Variants in MLLT6 observed in about 807,000 individuals in gnomAD.
MLLT6 encodes the protein MLLT6, PHD finger containing, also known as protein AF-17.
A neutral mutation model predicts 103.0 loss-of-function variants in MLLT6; 22 were observed. The observed-to-expected ratio is 0.21, with a 90% confidence interval of 0.15 to 0.31. The LOEUF (loss-of-function observed/expected upper bound fraction) is 0.31, where lower values mean the gene tolerates loss of function less well. Among genes scored for constraint, MLLT6 ranks in the 10% least tolerant of loss-of-function variants. The probability of loss-of-function intolerance (pLI) is 1.00; values close to 1 mark genes in which losing one functional copy is unlikely to be tolerated. For missense variants in MLLT6, 1,199 were observed against 1,441.7 expected (o/e 0.83, Z 2.73); for synonymous variants, 606 against 623.5 (o/e 0.97, Z 0.42).
intron 7 of MLLT6, among the ~76,000 whole-genome samples, chr17:38,712,458 G>A (rs1026454865): frequency 7.9e-5 from 12 of 152,214 alleles, no homozygotes; most frequent in African/African-American, 2.7e-4. Flanking sequence ...GCACTGGCGT[G>A]ATAATGGGAC....
chr17:38,720,005 G>T (rs894729805), intron 14 of MLLT6, 110 bp downstream of exon 14: 267 of 1,406,860 alleles, frequency 1.9e-4, no homozygotes, highest in Middle Eastern at 2.6e-4. Context: ...CCCCGCCCCA[G>T]CCTTGACTCT....
At chr17:38,705,774 C>G (rs758183156) in intron 1 of MLLT6, 33 bp downstream of exon 1, 6 of 1,172,258 alleles carry the variant, frequency 5.1e-6, no homozygotes, top group Non-Finnish European at 5.5e-6. Flanking sequence ...GCGGCGGGAC[C>G]CCGGGGGCGG....
intron 8 of MLLT6, 147 bp from the exon 9 acceptor site, chr17:38,715,465 C>A: frequency 7.3e-7 from 1 of 1,367,496 alleles, no homozygotes; most frequent in Non-Finnish European, 9.6e-7. Flanking sequence ...GAGCTCCTGG[C>A]CACTCCCTGC....
chr17:38,706,142 G>T (rs893178834), intron 1 of MLLT6: 2 of 152,524 alleles, frequency 1.3e-5, no homozygotes, highest in African/African-American at 4.8e-5. Flanking sequence ...CCTCGCTTCC[G>T]GATAATGGGA....
In MLLT6 at chr17:38,717,004, G is replaced by A. The variant is rs117039420; in HGVS notation, c.1651+23G>A. On this transcript the variant is annotated intron_variant, in intron 10 of 19. Coordinates refer to ENST00000621332, the MANE Select transcript of MLLT6 (RefSeq NM_005937.4). ...CAGGTTAGTGACCCCTGGGGACAGAGGGCATTTCAGGGCCCAGCCAGTCTA... is the reference window on the plus strand; with the variant it reads ...CAGGTTAGTGACCCCTGGGGACAGAAGGCATTTCAGGGCCCAGCCAGTCTA... 2,086 of 1,610,484 alleles carry A rather than the reference G, an allele frequency of 1.3e-3. 8 individuals are homozygous for A. In the Middle Eastern group the frequency reaches 0.014, roughly 10 times the overall value.
intron 6 of MLLT6, among the ~76,000 whole-genome samples, chr17:38,710,259 C>T (rs1239196961): frequency 6.6e-6 from 1 of 152,130 alleles, no homozygotes; most frequent in Non-Finnish European, 1.5e-5. Flanking sequence ...CTGGGCTTGC[C>T]TCTGCCCCAG....
rs950861234 is a variant in MLLT6 at position 38,705,480 on chromosome 17, G to A, written c.-153G>A. On this transcript the variant is annotated 5_prime_UTR_variant, in exon 1 of 20. Coordinates refer to ENST00000621332, the MANE Select transcript of MLLT6 (RefSeq NM_005937.4). Reference sequence around the variant, plus strand: ...AGGAGGAGGAGGACGCGGAGGAGGAGGAAGGAGGAGGCAAAGAAAAGAAGC... The same window carrying A: ...AGGAGGAGGAGGACGCGGAGGAGGAAGAAGGAGGAGGCAAAGAAAAGAAGC... 2.3e-5 allele frequency: 11 copies of A among 470,120 alleles called. No individual in the cohort carries two copies. Among genetic ancestry groups the A allele is most frequent in the African/African-American group, 2.1e-4 (10 of 47,788 alleles). The allele number at this position is 470,120 out of a possible 1,614,324, so 29.1% of individuals were successfully genotyped here.
intron 14 of MLLT6, 77 bp downstream of exon 14, chr17:38,719,972 T>C (rs1031623795): frequency 1.4e-6 from 2 of 1,472,520 alleles, no homozygotes; most frequent in Non-Finnish European, 1.8e-6. Context: ...GTCCCCAAGC[T>C]TCTTTAAGGT....
chr17:38,721,898 G>C lies in MLLT6; in HGVS notation c.2463G>C (p.Pro821=), dbSNP rs1170674806. Residue 821 remains proline, a synonymous_variant, in exon 17 of 20, where the codon CCG becomes CCC. Transcript: ENST00000621332. ...CCCAGGACCCACACTCAGGCTGCCC[G>C]AGCCGCAGCAGCTCGTCGCTGTCCT... The part of the protein sequence containing the change: ...TSSEDPHSGC[P]SRSSSSLSFH... 8 of 1,567,634 alleles carry C rather than the reference G, an allele frequency of 5.1e-6. No homozygotes were observed. The highest frequency in any genetic ancestry group is 2.3e-5 in the South Asian group (2 of 88,032).
intron 3 of MLLT6, 98 bp from the exon 4 acceptor site, chr17:38,707,665 A>C: frequency 8.0e-7 from 1 of 1,248,432 alleles, no homozygotes; most frequent in Non-Finnish European, 1.2e-6. Context: ...ATCTGATGGG[A>C]AGGCTGTGGA....
At chr17:38,718,875 G>C (rs950256273) in intron 12 of MLLT6, 23 of 152,398 alleles carry the variant, frequency 1.5e-4, no homozygotes, top group African/African-American at 5.1e-4. Flanking sequence ...TGCCGACTCA[G>C]GTAAGCCTTA....
At chr17:38,725,063 A>G in intron 19 of MLLT6, 87 bp downstream of exon 19, 1 of 1,009,590 alleles carries the variant, frequency 9.9e-7, no homozygotes, top group Non-Finnish European at 1.4e-6. Context: ...CAGGTACCTC[A>G]GCAGGGGGAA....
rs755843245 is a variant in MLLT6, at chr17:38,717,472, C to T, written c.1692C>T (p.Gly564=). Residue 564 remains glycine, a synonymous_variant, in exon 11 of 20, where the codon GGC becomes GGT. Coordinates refer to ENST00000621332, the MANE Select transcript of MLLT6 (RefSeq NM_005937.4). ...ATAAGGACCCCATCTCCCACAGTGGCGGGATGCTGCGGGCTGTCTGCAGCA... is the reference window on the plus strand; with the variant it reads ...ATAAGGACCCCATCTCCCACAGTGGTGGGATGCTGCGGGCTGTCTGCAGCA... ...TSNKDPISHS[G]GMLRAVCSTP... is the part of the protein sequence containing the mutation. 19 of 1,610,516 alleles carry T rather than the reference C, an allele frequency of 1.2e-5. No individual in the cohort carries two copies. The highest frequency in any genetic ancestry group is 5.0e-5 in the Admixed American group (3 of 59,620).
chr17:38,707,140 C>A, intron 2 of MLLT6, 111 bp downstream of exon 2: 1 of 858,622 alleles, frequency 1.2e-6, no homozygotes, highest in Non-Finnish European at 1.8e-6. Flanking sequence ...TTAGCTCTGT[C>A]ACACAGACTT....
rs766824105 is a variant in MLLT6 at position 38,721,934 on chromosome 17, G to A, written c.2499G>A (p.Thr833=). 8 of 1,543,314 alleles carry A rather than the reference G, an allele frequency of 5.2e-6. No homozygotes were observed. Among genetic ancestry groups the A allele is most frequent in the East Asian group, 2.5e-5 (1 of 40,046 alleles). The part of the protein sequence containing the change: ...RSSSSLSFHS[T]PPPLPLLQQS... ...GCTCGTCGCTGTCCTTCCACAGCAC[G>A]CCCCCACCGCTGCCCCTCCTCCAGC... is the stretch of plus-strand genomic sequence containing the variant. The change falls in exon 17 of 20, where the codon ACG becomes ACA. Residue 833 remains threonine, a synonymous_variant. Transcript: ENST00000621332.
Position 38,715,807 on chromosome 17 carries a change from G to A in MLLT6, c.1015G>A (p.Gly339Arg), listed in dbSNP as rs1473301360. Residue 339 changes from glycine to arginine, a missense_variant, in exon 9 of 20, where the codon GGG becomes AGG. By Grantham distance (125) the Gly-to-Arg change is moderately radical. Coordinates refer to ENST00000621332, the MANE Select transcript of MLLT6 (RefSeq NM_005937.4). ...TTCCTCCTCCTCTTCCTCCTCCTCT[G>A]GGGGGCCCTTCCAGCCTGCAGGTGA... ...SSSSSSSSSS[G>R]GPFQPAVSSL... is the part of the protein sequence containing the mutation. 6 of 1,599,860 alleles carry A rather than the reference G, an allele frequency of 3.8e-6. No homozygotes were observed. The highest frequency in any genetic ancestry group is 2.2e-5 in the East Asian group (1 of 44,448).
intron 12 of MLLT6, 130 bp from the exon 13 acceptor site, chr17:38,719,387 C>A: frequency 1.2e-6 from 1 of 850,378 alleles, no homozygotes; most frequent in Non-Finnish European, 1.9e-6. Flanking sequence ...CTTGAACTGC[C>A]AGTGTGGGGT....
At chr17:38,712,947 T>C in intron 8 of MLLT6, 158 bp downstream of exon 8, 2 of 757,338 alleles carry the variant, frequency 2.6e-6, no homozygotes, top group African/African-American at 1.7e-5. Context: ...CTACTCCTTC[T>C]TCCAGCCTAG....
At position 38,709,130 on chromosome 17, in the gene MLLT6, A is replaced by G. The variant is rs1402893392; in HGVS notation, c.355-43A>G. On this transcript the variant is annotated intron_variant, in intron 4 of 19. Coordinates refer to ENST00000621332, the MANE Select transcript of MLLT6 (RefSeq NM_005937.4). The surrounding 1 kb of genome is among the most constrained non-coding windows in gnomAD (Gnocchi z 4.3). The stretch of plus-strand genomic sequence containing the variant: ...GTGGCCTAAGGACCATCAGTAGAAC[A>G]GGGGCTCCCTGGAGGAGGGGACGAT... The G allele has an allele frequency of 6.6e-7, 1 of 1,506,964 alleles. No homozygotes were observed. The highest frequency in any genetic ancestry group is 1.4e-5 in the African/African-American group (1 of 72,302). 93.3% of individuals were successfully genotyped at this position (1,506,964 alleles called of 1,614,324 possible).
Sources: gnomAD v4.1 joint callset for allele counts (sites outside exome capture counted in the v4.1 genomes callset) on GRCh38, gnomAD v4.1.1 for gene constraint, Gnocchi (gnomAD v3.1) non-coding constraint, MANE v1.5 for transcripts, NCBI Gene and HGNC (gene_info 2026-07-23, HGNC 2026-07-21) for gene names.